The following ANO1 variants were observed in gnomAD, a reference collection of about 807,000 sequenced individuals.
ANO1 encodes anoctamin 1.
A neutral mutation model predicts 124.0 loss-of-function variants in ANO1; 59 were observed. The observed-to-expected ratio is 0.48, with a 90% confidence interval of 0.39 to 0.59. The LOEUF (loss-of-function observed/expected upper bound fraction) is 0.59, where lower values mean the gene tolerates loss of function less well. ANO1 is among the 20% of genes least tolerant of loss of function. ANO1 has a pLI of 0.00. For missense variants in ANO1, 1,059 were observed against 1,328.0 expected (o/e 0.80, Z 3.15); for synonymous variants, 529 against 532.0 (o/e 0.99, Z 0.08).
chr11:70,020,362 G>A (rs553414264), intron 1 of ANO1, among the ~76,000 whole-genome samples: 128 of 152,178 alleles, frequency 8.4e-4, no homozygotes, highest in African/African-American at 3.0e-3. Flanking sequence ...TCTCACTCAG[G>A]ACAGCCGCAC....
At chr11:69,985,403 A>G (rs1554996752), upstream of ANO1, among the ~76,000 whole-genome samples, 2 of 151,970 alleles carry the variant, frequency 1.3e-5, no homozygotes. Context: ...GTGACCTGTA[A>G]CCTCCAGCTC....
At position 70,126,087 on chromosome 11, in the gene ANO1, T is replaced by A; in HGVS notation, c.989T>A (p.Leu330Gln). Residue 330 changes from leucine (L) to glutamine (Q), a missense_variant, in exon 10 of 26, where the codon CTG (leucine) becomes CAG (glutamine). By Grantham distance (113) the Leu-to-Gln change is moderately radical. Around this residue, in one of 2 missense-constraint regions of ANO1, gnomAD observed 809 missense variants for 1,094.9 expected, o/e 0.74. Coordinates refer to ENST00000355303, the MANE Select transcript of ANO1 (RefSeq NM_018043.7). ...AAGTATTTTGGGGAGAAGATCGGCC[T>A]GTACTTCGCCTGGCTGGGCGTGTAC... ...VRKYFGEKIG[L>Q]YFAWLGVYTQ... is the part of the protein sequence containing the mutation. 6.2e-7 allele frequency: 1 copy of A among 1,612,214 alleles called. No individual in the cohort carries two copies. The highest frequency in any genetic ancestry group is 8.5e-7 in the Non-Finnish European group (1 of 1,179,066).
At chr11:70,098,387 C>T (rs1193649286) in intron 2 of ANO1, among the ~76,000 whole-genome samples, 6 of 152,182 alleles carry the variant, frequency 3.9e-5, no homozygotes, top group African/African-American at 1.2e-4. Flanking sequence ...GGTTCCTGCC[C>T]GATATGGGAG....
chr11:70,108,651 C>T (rs1209104278), intron 6 of ANO1, among the ~76,000 whole-genome samples: 2 of 152,170 alleles, frequency 1.3e-5, no homozygotes, highest in Admixed American at 1.3e-4. Context: ...TGTGGACAGG[C>T]TCTCCCTGCA....
chr11:70,188,051 G>T lies in ANO1; in HGVS notation c.*47G>T. ...GGCCAGCCGGGCATCCTGACCGATG[G>T]GCACCCTCTCCCAGGGCAGGCGGCT... is the stretch of plus-strand genomic sequence containing the variant. On this transcript the variant is annotated 3_prime_UTR_variant, in exon 26 of 26. Transcript: ENST00000355303. 6.5e-7 allele frequency: 1 copy of T among 1,527,138 alleles called. No homozygotes were observed. Among genetic ancestry groups the T allele is most frequent in the South Asian group, 1.2e-5 (1 of 82,344 alleles). 94.6% of individuals were successfully genotyped at this position (1,527,138 alleles called of 1,614,324 possible). A position where few individuals can be genotyped will look rare whatever the true frequency, so the allele number is the denominator to read the frequency against.
At chr11:69,986,968 C>A (rs1157960661) in intron 1 of ANO1, among the ~76,000 whole-genome samples, 3 of 152,120 alleles carry the variant, frequency 2.0e-5, no homozygotes, top group African/African-American at 7.2e-5. Context: ...AGGATGCCAC[C>A]GCCAACCCGG....
At chr11:70,171,131 T>C in intron 22 of ANO1, 92 bp downstream of exon 22, 1 of 1,485,064 alleles carries the variant, frequency 6.7e-7, no homozygotes, top group Non-Finnish European at 9.0e-7. Context: ...GAGCCAGAGC[T>C]GGCCAGGTGT....
chr11:70,167,379 T>C lies in ANO1; in HGVS notation c.2189T>C (p.Met730Thr). The C allele has an allele frequency of 6.2e-7, 1 of 1,611,142 alleles. No homozygotes were observed. The highest frequency in any genetic ancestry group is 8.5e-7 in the Non-Finnish European group (1 of 1,178,602). ...TTCGCGGGCCTCACCCCAGAGTACA[T>C]GGAAATGAGTGAGTGATGGCCGGGG... ...EPFAGLTPEYMEMIIQFGFVT... is the reference protein window; with the variant it reads ...EPFAGLTPEYTEMIIQFGFVT... Residue 730 changes from methionine (M) to threonine (T), a missense_variant, in exon 21 of 26, where the codon ATG (methionine) becomes ACG (threonine). Met to Thr is a moderately conservative substitution (Grantham distance 81). Transcript: ENST00000355303.
At chr11:70,095,305 A>G (rs1180818443) in intron 2 of ANO1, among the ~76,000 whole-genome samples, 790 of 95,838 alleles carry the variant, frequency 8.2e-3, no homozygotes, top group Non-Finnish European at 0.012. Flanking sequence ...GGAAGGAAAG[A>G]AAGAAAGAAA....
rs745921975 is a variant in ANO1, at chr11:70,111,133, C to A, written c.800-574C>A. On this transcript the variant is annotated intron_variant, in intron 6 of 25. Coordinates refer to ENST00000355303, the MANE Select transcript of ANO1 (RefSeq NM_018043.7). ...TAGCCAATGTATAAACAGGGCAAGG[C>A]GAGGGAAGAAAGAAGGACTCCGCCC... is the stretch of plus-strand genomic sequence containing the variant. The A allele has an allele frequency of 4.4e-6, 2 of 456,702 alleles. No homozygotes were observed. The highest frequency in any genetic ancestry group is 8.8e-6 in the Non-Finnish European group (2 of 227,002). 28.3% of individuals were successfully genotyped at this position (456,702 alleles called of 1,614,324 possible).
intron 24 of ANO1, 146 bp downstream of exon 24, chr11:70,182,832 G>C (rs1221939314): frequency 1.2e-6 from 1 of 835,542 alleles, no homozygotes; most frequent in African/African-American, 1.8e-5. Flanking sequence ...AAAAAAGGCT[G>C]GTGCAGTGGC....
upstream of ANO1, among the ~76,000 whole-genome samples, chr11:70,077,727 A>G (rs118156020): frequency 1.9e-4 from 29 of 152,248 alleles, no homozygotes; most frequent in East Asian, 5.4e-3. Flanking sequence ...CCGCATTCCA[A>G]CCTTGCAGGT....
At chr11:69,966,834 C>A in the ANO1 span, among the ~76,000 whole-genome samples, 1 of 152,158 alleles carries the variant, frequency 6.6e-6, no homozygotes, top group Non-Finnish European at 1.5e-5. Flanking sequence ...AAGAGAGGTG[C>A]CCCCAAGGTG....
intron 5 of ANO1, among the ~76,000 whole-genome samples, chr11:70,107,490 C>CGGGGGGG (rs1432604573): frequency 0.017 from 1,074 of 63,090 alleles, 58 homozygotes; most frequent in African/African-American, 0.037. Context: ...CCAGTGGAGG[C>CGGGGGGG]GGCGGGGCGG....
chr11:70,105,864 T>C, intron 5 of ANO1, 76 bp downstream of exon 5: 2 of 1,444,822 alleles, frequency 1.4e-6, no homozygotes, highest in Non-Finnish European at 1.9e-6. Context: ...TTCATTTTGG[T>C]GAAACTCCTC....
At chr11:70,159,702 C>T (rs576928198) in intron 16 of ANO1, among the ~76,000 whole-genome samples, 6 of 152,332 alleles carry the variant, frequency 3.9e-5, no homozygotes, top group South Asian at 2.1e-4. Flanking sequence ...GGGACGCGCC[C>T]GCTGGGGTGG....
At chr11:70,170,146 T>C in intron 21 of ANO1, 1 of 453,438 alleles carries the variant, frequency 2.2e-6, no homozygotes, top group South Asian at 1.6e-5. Flanking sequence ...AAGTTTGGGC[T>C]CTGGAAGATT....
intron 1 of ANO1, among the ~76,000 whole-genome samples, chr11:70,032,183 G>A (rs1317260157): frequency 6.6e-6 from 1 of 152,156 alleles, no homozygotes; most frequent in East Asian, 1.9e-4. Flanking sequence ...GCAGGATGAG[G>A]TAGTGGGTCC....
intron 1 of ANO1, among the ~76,000 whole-genome samples, chr11:70,069,387 C>T (rs1857811797): frequency 6.6e-6 from 1 of 152,122 alleles, no homozygotes; most frequent in South Asian, 2.1e-4. Context: ...GGTGCTTGAG[C>T]TGAGAGTCAA....
Sources: allele counts gnomAD v4.1 joint callset (sites outside exome capture counted in the v4.1 genomes callset), GRCh38; gene constraint gnomAD v4.1.1; regional missense constraint gnomAD v4.1.1; transcripts MANE v1.5; gene names NCBI Gene and HGNC (gene_info 2026-07-23, HGNC 2026-07-21).